Variants in PRDM11 observed in about 807,000 individuals in gnomAD.
The protein encoded by PRDM11 is PR domain-containing protein 11.
PRDM11 carries 20 observed loss-of-function variants against 97.8 expected under a neutral mutation model. The observed-to-expected ratio is 0.20, with a 90% CI of 0.14 to 0.30. The LOEUF is 0.30. Ranked by LOEUF, PRDM11 falls within the 10% of genes least tolerant of loss-of-function variation. The probability of loss-of-function intolerance (pLI) is 1.00; values close to 1 mark genes in which losing one functional copy is unlikely to be tolerated. For synonymous variants in PRDM11, 599 were observed against 637.7 expected (o/e 0.94, Z 0.91); for missense variants, 1,139 against 1,555.2 (o/e 0.73, Z 4.50).
intron 1 of PRDM11, among the ~76,000 whole-genome samples, chr11:45,139,030 G>C (rs1361991554): frequency 1.3e-5 from 2 of 152,084 alleles, no homozygotes; most frequent in African/African-American, 4.8e-5. Context: ...ACATAATCAA[G>C]CAATTTGCAA....
chr11:45,198,404 G>A (rs1853207937), intron 4 of PRDM11, among the ~76,000 whole-genome samples: 1 of 152,250 alleles, frequency 6.6e-6, no homozygotes, highest in Admixed American at 6.5e-5. Context: ...TGGGGCTTGG[G>A]AGAGGAGCAT....
At chr11:45,189,885 C>T (rs1383745356) in intron 4 of PRDM11, among the ~76,000 whole-genome samples, 6 of 152,002 alleles carry the variant, frequency 3.9e-5, no homozygotes, top group South Asian at 4.2e-4. Context: ...CAGGTTTGTT[C>T]GAGAAGAAAG....
At chr11:45,207,166 C>G (rs1001725864) in intron 5 of PRDM11, among the ~76,000 whole-genome samples, 1 of 152,160 alleles carries the variant, frequency 6.6e-6, no homozygotes, top group Non-Finnish European at 1.5e-5. Context: ...GTTGGAGTGA[C>G]GGGAAAGCTG....
chr11:45,179,445 C>T (rs1852413466), intron 1 of PRDM11, among the ~76,000 whole-genome samples: 1 of 152,194 alleles, frequency 6.6e-6, no homozygotes. Flanking sequence ...AGTTAGATAA[C>T]CTGCTGTATT....
Position 45,224,381 on chromosome 11 carries a change from C to T in PRDM11, c.907C>T (p.Leu303=), listed in dbSNP as rs1854207060. 9.3e-6 allele frequency: 15 copies of T among 1,614,042 alleles called. No homozygotes were observed. The highest frequency in any genetic ancestry group is 1.2e-5 in the Non-Finnish European group (14 of 1,180,028). The stretch of plus-strand genomic sequence containing the variant: ...CCAAGCTAAGAAGAAGAAAATTGAC[C>T]TGATTTTCAAGGATGTTCTGGAGGC... The part of the protein sequence containing the change: ...HPQAKKKKID[L]IFKDVLEASL... Residue 303 remains leucine (L), a synonymous_variant, in exon 7 of 8, where the codon CTG becomes TTG. Transcript: ENST00000683152.
chr11:45,111,889 T>C, intron 1 of PRDM11, among the ~76,000 whole-genome samples: 1 of 152,210 alleles, frequency 6.6e-6, no homozygotes, highest in Admixed American at 6.5e-5. Context: ...AGGCTGATAC[T>C]GTACAATGGG....
At chr11:45,124,893 G>T (rs1852528016) in intron 1 of PRDM11, among the ~76,000 whole-genome samples, 1 of 152,138 alleles carries the variant, frequency 6.6e-6, no homozygotes, top group Admixed American at 6.5e-5. Context: ...TCTATTGATT[G>T]GAATAGTTTC....
At chr11:45,145,729 G>A (rs906611759), upstream of PRDM11, among the ~76,000 whole-genome samples, 4 of 152,160 alleles carry the variant, frequency 2.6e-5, no homozygotes, top group African/African-American at 9.7e-5. Context: ...GTTGATTGGG[G>A]AATGGTTGTC....
At position 45,171,978 on chromosome 11, in the gene PRDM11, A is replaced by G. The variant is rs369157571; in HGVS notation, c.-6-9783A>G. On this transcript the variant is annotated intron_variant, in intron 1 of 7. Transcript: ENST00000683152. ...CCCCACAAGATAAGAGCTCAGTTAC[A>G]CAAGACTGCCCTCAATTCAGACACT... 4.6e-5 allele frequency among the ~76,000 whole-genome samples: 7 copies of G among 152,362 alleles called. No homozygotes were observed. In the South Asian group the frequency reaches 8.3e-4, roughly 18 times the overall value.
At chr11:45,172,687 A>G (rs748697753) in intron 1 of PRDM11, among the ~76,000 whole-genome samples, 5 of 152,224 alleles carry the variant, frequency 3.3e-5, no homozygotes, top group African/African-American at 7.2e-5. Flanking sequence ...AGTGATTTAC[A>G]TAGCATTAAC....
intron 1 of PRDM11, among the ~76,000 whole-genome samples, chr11:45,128,343 C>T (rs1424620618): frequency 1.3e-5 from 2 of 152,176 alleles, no homozygotes; most frequent in Admixed American, 1.3e-4. Context: ...ACACAGTGCA[C>T]TGCACCCACT....
At chr11:45,218,051 C>A (rs1164796828) in intron 5 of PRDM11, among the ~76,000 whole-genome samples, 1 of 152,118 alleles carries the variant, frequency 6.6e-6, no homozygotes, top group South Asian at 2.1e-4. Flanking sequence ...ATTTCAACAC[C>A]ATTTTTCCAT....
intron 4 of PRDM11, among the ~76,000 whole-genome samples, chr11:45,183,861 G>T (rs1206324405): frequency 6.6e-6 from 1 of 152,138 alleles, no homozygotes; most frequent in African/African-American, 2.4e-5. Flanking sequence ...GCCAGGCACT[G>T]GGCTGGCCCT....
chr11:45,228,918 C>T lies in PRDM11; in HGVS notation c.*759C>T, dbSNP rs886289418. 6.6e-6 allele frequency: 1 copy of T among 152,158 alleles called. No individual in the cohort carries two copies. The highest frequency in any genetic ancestry group is 1.5e-5 in the Non-Finnish European group (1 of 68,054). The allele number at this position is 152,158 out of a possible 1,614,324, so 9.4% of individuals were successfully genotyped here. On this transcript the variant is annotated 3_prime_UTR_variant, in exon 8 of 8. Transcript: ENST00000683152. Reference sequence around the variant, plus strand: ...CCCCCTGGAAACTCACAATATTACCCATTATACTGAAGGCAACATTGCCTC... The same window carrying T: ...CCCCCTGGAAACTCACAATATTACCTATTATACTGAAGGCAACATTGCCTC...
In PRDM11 at chr11:45,232,979, G is replaced by C. The variant is rs960348555; in HGVS notation, c.*4820G>C. 1 of 151,312 alleles carries C rather than the reference G, an allele frequency of 6.6e-6. No individual in the cohort carries two copies. The highest frequency in any genetic ancestry group is 1.5e-5 in the Non-Finnish European group (1 of 67,884). The allele number at this position is 151,312 out of a possible 1,614,324, so 9.4% of individuals were successfully genotyped here. A position where few individuals can be genotyped will look rare whatever the true frequency, so the allele number is the denominator to read the frequency against. On this transcript the variant is annotated 3_prime_UTR_variant, in exon 8 of 8. Transcript: ENST00000683152. ...TGCAATCCAGTCTCCCTAGGAGAGA[G>C]TGCATGGAAGCAGGGGTATGTGCAG...
chr11:45,098,053 G>A (rs996156957), intron 1 of PRDM11, among the ~76,000 whole-genome samples: 32 of 152,368 alleles, frequency 2.1e-4, no homozygotes, highest in African/African-American at 7.5e-4. Context: ...CTCAGAAGGA[G>A]GAATTAGTCA....
chr11:45,148,903 C>G (rs1284039207), intron 1 of PRDM11, among the ~76,000 whole-genome samples: 1 of 152,110 alleles, frequency 6.6e-6, no homozygotes, highest in Admixed American at 6.5e-5. Flanking sequence ...CATGACAAAC[C>G]CACAGTGGCC....
At chr11:45,137,604 C>T (rs776362044) in intron 1 of PRDM11, among the ~76,000 whole-genome samples, 15 of 152,062 alleles carry the variant, frequency 9.9e-5, no homozygotes, top group Admixed American at 3.9e-4. Flanking sequence ...TAAAATTAGC[C>T]GGGCATGGTG....
intron 1 of PRDM11, among the ~76,000 whole-genome samples, chr11:45,178,179 G>A (rs1421084492): frequency 4.0e-5 from 6 of 150,302 alleles, no homozygotes; most frequent in Non-Finnish European, 8.9e-5. Context: ...CTTACCCTCC[G>A]TCCTTTATTC....
Sources: gnomAD v4.1 joint callset for allele counts (sites outside exome capture counted in the v4.1 genomes callset) on GRCh38, gnomAD v4.1.1 for gene constraint, MANE v1.5 for transcripts, NCBI Gene and HGNC (gene_info 2026-07-23, HGNC 2026-07-21) for gene names.